ECE1: variants seen among roughly 807,000 people sequenced by gnomAD.
ECE1 encodes the protein endothelin-converting enzyme 1.
ECE1 carries 35 observed loss-of-function variants against 98.6 expected under a neutral mutation model. The observed-to-expected ratio is 0.35, with a 90% CI of 0.27 to 0.47. The LOEUF is 0.47. Ranked by LOEUF, ECE1 falls within the 20% of genes least tolerant of loss-of-function variation. The probability of loss-of-function intolerance (pLI) is 1.00; values close to 1 mark genes in which losing one functional copy is unlikely to be tolerated. For synonymous variants in ECE1, 394 were observed against 407.1 expected (o/e 0.97, Z 0.39); for missense variants, 814 against 1,025.3 (o/e 0.79, Z 2.81).
At chr1:21,297,194 C>T (rs1483498691) in intron 1 of ECE1, among the ~76,000 whole-genome samples, 1 of 152,230 alleles carries the variant, frequency 6.6e-6, no homozygotes, top group African/African-American at 2.4e-5. Flanking sequence ...CCAGTGTTGA[C>T]TCAACTGCCA....
intron 3 of ECE1, among the ~76,000 whole-genome samples, chr1:21,277,570 AAC>A (rs28367945): frequency 4.6e-5 from 7 of 150,622 alleles, no homozygotes; most frequent in Non-Finnish European, 7.4e-5. Flanking sequence ...AGGAGGCACA[AAC>A]ACACACACAC....
At chr1:21,336,566 C>T (rs1382439577) in intron 1 of ECE1, among the ~76,000 whole-genome samples, 1 of 152,060 alleles carries the variant, frequency 6.6e-6, no homozygotes, top group Non-Finnish European at 1.5e-5. Context: ...TGTGGCCGGG[C>T]GCGGTGGCTC....
At chr1:21,248,150 A>G (rs1255090155) in intron 8 of ECE1, among the ~76,000 whole-genome samples, 2 of 151,936 alleles carry the variant, frequency 1.3e-5, no homozygotes, top group East Asian at 3.9e-4. Flanking sequence ...CAGCTAATGC[A>G]CACAGCAGGC....
intron 11 of ECE1, 110 bp downstream of exon 11, chr1:21,238,024 C>T (rs1414845583): frequency 1.0e-6 from 1 of 988,182 alleles, no homozygotes; most frequent in African/African-American, 1.6e-5. Flanking sequence ...CTAAGGTCCC[C>T]TGCCCAGGAG....
intron 1 of ECE1, among the ~76,000 whole-genome samples, chr1:21,296,991 G>A (rs535165266): frequency 6.6e-6 from 1 of 152,304 alleles, no homozygotes; most frequent in South Asian, 2.1e-4. Context: ...GACACTGGAA[G>A]GCCAAGGGCA....
At chr1:21,298,316 G>A in intron 1 of ECE1, 1 of 179,356 alleles carries the variant, frequency 5.6e-6, no homozygotes, top group Non-Finnish European at 1.2e-5. Flanking sequence ...CCTCCAGGCA[G>A]CTCTCTCGGG....
At chr1:21,286,005 AAAAG>A (rs1341751020) in intron 2 of ECE1, among the ~76,000 whole-genome samples, 5 of 151,962 alleles carry the variant, frequency 3.3e-5, no homozygotes, top group Admixed American at 1.3e-4. Flanking sequence ...AAAAAAAAAA[AAAAG>A]AGAAGAGAAG....
At chr1:21,265,420 T>C (rs569121950) in intron 4 of ECE1, among the ~76,000 whole-genome samples, 1 of 152,264 alleles carries the variant, frequency 6.6e-6, no homozygotes, top group Non-Finnish European at 1.5e-5. Flanking sequence ...TAGTCCCAGC[T>C]ACTCGGCAGG....
intron 2 of ECE1, among the ~76,000 whole-genome samples, chr1:21,289,716 G>C (rs958692300): frequency 6.6e-6 from 1 of 152,090 alleles, no homozygotes; most frequent in African/African-American, 2.4e-5. Flanking sequence ...CCGGTAAAGG[G>C]CCTGGGCAAG....
chr1:21,222,545 G>A (rs755721729), intron 17 of ECE1, among the ~76,000 whole-genome samples: 8 of 152,130 alleles, frequency 5.3e-5, no homozygotes, highest in Non-Finnish European at 1.0e-4. Flanking sequence ...ATTGCAGCAT[G>A]AAAGCAGCCA....
At chr1:21,247,177 C>T in intron 9 of ECE1, 44 bp downstream of exon 9, 1 of 1,613,722 alleles carries the variant, frequency 6.2e-7, no homozygotes, top group South Asian at 1.1e-5. Context: ...AAGAAGAGGG[C>T]TGTCTGTGAG....
intron 11 of ECE1, among the ~76,000 whole-genome samples, chr1:21,237,675 C>T (rs2098190111): frequency 6.6e-6 from 1 of 152,220 alleles, no homozygotes; most frequent in Non-Finnish European, 1.5e-5. Flanking sequence ...GATGTAAGAA[C>T]TGTCCCAGGC....
chr1:21,239,081 C>T (rs2098192195), intron 10 of ECE1, among the ~76,000 whole-genome samples: 1 of 151,882 alleles, frequency 6.6e-6, no homozygotes, highest in African/African-American at 2.4e-5. Flanking sequence ...GATCCACCTG[C>T]CTTGACTTCC....
At chr1:21,268,050 A>C (rs1158642952) in intron 4 of ECE1, among the ~76,000 whole-genome samples, 1 of 152,224 alleles carries the variant, frequency 6.6e-6, no homozygotes, top group Non-Finnish European at 1.5e-5. Flanking sequence ...TTCATCTTAC[A>C]GTATAAAATA....
At position 21,319,162 on chromosome 1, in the gene ECE1, T is replaced by C. The variant is rs1415893578; in HGVS notation, c.3+26214A>G. 6.6e-6 allele frequency among the ~76,000 whole-genome samples: 1 copy of C among 152,098 alleles called. No individual in the cohort carries two copies. The highest frequency in any genetic ancestry group is 1.5e-5 in the Non-Finnish European group (1 of 68,008). On this transcript the variant is annotated intron_variant, in intron 1 of 18. Coordinates refer to the ECE1 transcript ENST00000415912. The surrounding 1 kb of genome is among the most constrained non-coding windows in gnomAD (Gnocchi z 4.4). ...GAGTTCGAGACCAGCTTGGGCAACA[T>C]GGTGAAACCCCGTCTCCACTAAAAT...
chr1:21,339,607 G>A (rs1465906523), intron 1 of ECE1, among the ~76,000 whole-genome samples: 1 of 152,350 alleles, frequency 6.6e-6, no homozygotes, highest in Non-Finnish European at 1.5e-5. Context: ...TTGTCTCTCA[G>A]TCTTCCCACT....
intron 14 of ECE1, among the ~76,000 whole-genome samples, chr1:21,229,187 T>C (rs1435555981): frequency 6.6e-6 from 1 of 152,048 alleles, no homozygotes; most frequent in African/African-American, 2.4e-5. Flanking sequence ...AAGACTTTTT[T>C]TTTTTTCTTT....
intron 2 of ECE1, among the ~76,000 whole-genome samples, chr1:21,283,174 T>A (rs1569645152): frequency 6.6e-6 from 1 of 152,160 alleles, no homozygotes; most frequent in African/African-American, 2.4e-5. Flanking sequence ...ATCAATCTCC[T>A]GACCTCGTGA....
At chr1:21,275,576 C>T (rs181331596) in intron 3 of ECE1, among the ~76,000 whole-genome samples, 1 of 152,284 alleles carries the variant, frequency 6.6e-6, no homozygotes. Context: ...GCCTGGGCGA[C>T]AAGAGTGAGA....
Sources: gnomAD v4.1 joint callset for allele counts (sites outside exome capture counted in the v4.1 genomes callset) on GRCh38, gnomAD v4.1.1 for gene constraint, Gnocchi (gnomAD v3.1) non-coding constraint, MANE v1.5 for transcripts, NCBI Gene and HGNC (gene_info 2026-07-23, HGNC 2026-07-21) for gene names.